Variants in NAALAD2 observed in about 807,000 individuals in gnomAD.
NAALAD2 encodes the protein N-acetylated alpha-linked acidic dipeptidase 2.
Under a neutral mutation model 95.6 loss-of-function variants are expected in NAALAD2, and 89 were observed. That is an observed-to-expected ratio of 0.93 (90% confidence interval 0.78 to 1.11). The LOEUF is 1.11. Among genes scored for constraint, NAALAD2 ranks in the 50% least tolerant of loss-of-function variants. The probability of loss-of-function intolerance (pLI) is 0.00; values close to 1 mark genes in which losing one functional copy is unlikely to be tolerated. For synonymous variants in NAALAD2, 264 were observed against 294.4 expected (o/e 0.90, Z 1.06); for missense variants, 894 against 872.4 (o/e 1.02, Z -0.31).
chr11:90,160,836 A>G (rs7948915), intron 8 of NAALAD2, among the ~76,000 whole-genome samples: 59,939 of 152,010 alleles, frequency 0.39, 11,950 homozygotes, highest in South Asian at 0.5. Flanking sequence ...AGAATTCTCT[A>G]TTGGTTAGAA....
chr11:90,159,236 C>T lies in NAALAD2; in HGVS notation c.891-3C>T, dbSNP rs757545233. The T allele has an allele frequency of 2.5e-6, 4 of 1,607,808 alleles. No homozygotes were observed. In the South Asian group the frequency reaches 3.3e-5, roughly 13 times the overall value. ...TTCTGTCACTTTCATTTTATTTTGT[C>T]AGCTACTTGGGAGGAATTGCTCCAC... On this transcript the variant is annotated splice_polypyrimidine_tract_variant and splice_region_variant and intron_variant, in intron 7 of 18. Transcript: ENST00000534061.
Position 90,178,099 on chromosome 11 carries a change from G to A in NAALAD2, c.1840G>A (p.Asp614Asn), listed in dbSNP as rs773029266. ...LSKKHDQQLT[D>N]HGVSFDSLFS... is the part of the protein sequence containing the mutation. ...TAAGAAACATGATCAACAATTGACA[G>A]ACCATGGAGTATCATTTGGTAAGAA... Residue 614 changes from aspartate to asparagine, a missense_variant, in exon 16 of 19, where the codon GAC becomes AAC. Transcript: ENST00000534061. 7.5e-6 allele frequency: 12 copies of A among 1,610,328 alleles called. No individual in the cohort carries two copies. The Admixed American group carries it at 8.4e-5, about 11-fold the overall frequency.
At chr11:90,153,640 G>A (rs1951947835) in intron 6 of NAALAD2, among the ~76,000 whole-genome samples, 1 of 152,052 alleles carries the variant, frequency 6.6e-6, no homozygotes, top group African/African-American at 2.4e-5. Flanking sequence ...TCAATTTGGG[G>A]AGAATTGGCA....
At position 90,167,059 on chromosome 11, in the gene NAALAD2, C is replaced by T. The variant is rs545089053; in HGVS notation, c.1279-1870C>T. Reference sequence around the variant, plus strand: ...GCTGGCAGCCCTCGCTCGCTCTCGGCGCCTCCTCGGCCTTGGCGCCCACTC... The same window carrying T: ...GCTGGCAGCCCTCGCTCGCTCTCGGTGCCTCCTCGGCCTTGGCGCCCACTC... On this transcript the variant is annotated intron_variant, in intron 11 of 18. Transcript: ENST00000534061. Among the ~76,000 whole-genome samples the T allele has an allele frequency of 1.8e-4, 28 of 152,298 alleles. No individual in the cohort carries two copies. The South Asian group carries it at 4.8e-3, about 26-fold the overall frequency.
chr11:90,168,478 G>T (rs895208581), intron 11 of NAALAD2, among the ~76,000 whole-genome samples: 1 of 152,098 alleles, frequency 6.6e-6, no homozygotes, highest in African/African-American at 2.4e-5. Context: ...CTGCATTCTA[G>T]CCTGGGCAAC....
Position 90,147,413 on chromosome 11 carries a change from T to A in NAALAD2, c.278T>A (p.Phe93Tyr). The change falls in exon 3 of 19, where the codon TTT becomes TAT. Residue 93 changes from phenylalanine to tyrosine, a missense_variant. Phe to Tyr is a conservative substitution (Grantham distance 22, BLOSUM62 3). Transcript: ENST00000534061. ...AAAATCCAAACCCAGTGGAAGAAATTTGGACTAGATTCAGCCAAGTTGGTT... is the reference window on the plus strand; with the variant it reads ...AAAATCCAAACCCAGTGGAAGAAATATGGACTAGATTCAGCCAAGTTGGTT... ...AKKIQTQWKK[F>Y]GLDSAKLVHY... The A allele has an allele frequency of 1.2e-6, 2 of 1,614,034 alleles. No homozygotes were observed. The highest frequency in any genetic ancestry group is 1.7e-6 in the Non-Finnish European group (2 of 1,179,956).
At position 90,149,353 on chromosome 11, in the gene NAALAD2, C is replaced by T. The variant is rs1469799163; in HGVS notation, c.483+246C>T. Among the ~76,000 whole-genome samples, 4 of 152,282 alleles carry T rather than the reference C, an allele frequency of 2.6e-5. No homozygotes were observed. The East Asian group carries it at 5.8e-4, about 22-fold the overall frequency. ...AAAACTGACCCTGCTGAAGCAGTTG[C>T]CACTCTCTGAAATAACAAACTGCTG... On this transcript the variant is annotated intron_variant, in intron 4 of 18. Coordinates refer to ENST00000534061, the MANE Select transcript of NAALAD2 (RefSeq NM_005467.4).
intron 18 of NAALAD2, 101 bp downstream of exon 18, chr11:90,183,109 G>T: frequency 4.0e-6 from 3 of 750,518 alleles, no homozygotes; most frequent in Non-Finnish European, 7.2e-6. Flanking sequence ...AGGCAAATAT[G>T]TACACTCTAG....
intron 11 of NAALAD2, among the ~76,000 whole-genome samples, chr11:90,166,157 C>T (rs1952435816): frequency 6.6e-6 from 1 of 152,172 alleles, no homozygotes; most frequent in Non-Finnish European, 1.5e-5. Flanking sequence ...GTGCCATAAC[C>T]ACACACAGCT....
At chr11:90,189,315 AG>A (rs1336659993) in intron 18 of NAALAD2, among the ~76,000 whole-genome samples, 2 of 152,184 alleles carry the variant, frequency 1.3e-5, no homozygotes, top group Non-Finnish European at 2.9e-5. Flanking sequence ...AATTTTTTTA[AG>A]CCACTAAGTT....
At chr11:90,154,934 C>CATA (rs71472283) in intron 6 of NAALAD2, among the ~76,000 whole-genome samples, 1,133 of 51,768 alleles carry the variant, frequency 0.022, 59 homozygotes, top group African/African-American at 0.047. Context: ...TATACGTATA[C>CATA]ATATGTATAT....
At position 90,176,180 on chromosome 11, in the gene NAALAD2, G is replaced by A. The variant is rs1486070165; in HGVS notation, c.1593+118G>A. 13 of 692,578 alleles carry A rather than the reference G, an allele frequency of 1.9e-5. No individual in the cohort carries two copies. The Admixed American group carries it at 2.6e-4, about 14-fold the overall frequency. 42.9% of individuals were successfully genotyped at this position (692,578 alleles called of 1,614,324 possible). On this transcript the variant is annotated intron_variant, in intron 15 of 18. Transcript: ENST00000534061. ...GGATGTGGCCTGGGAAGAGTTCCCAGGGATAGAGATAGACTGCATGTCCCT... is the reference window on the plus strand; with the variant it reads ...GGATGTGGCCTGGGAAGAGTTCCCAAGGATAGAGATAGACTGCATGTCCCT...
chr11:90,184,666 A>G (rs946992781), intron 18 of NAALAD2, among the ~76,000 whole-genome samples: 6 of 152,120 alleles, frequency 3.9e-5, no homozygotes, highest in African/African-American at 1.4e-4. Flanking sequence ...CATATAAAAT[A>G]AAAAGGAGCA....
chr11:90,172,244 A>G (rs952426138), intron 13 of NAALAD2, among the ~76,000 whole-genome samples: 1 of 152,012 alleles, frequency 6.6e-6, no homozygotes, highest in Non-Finnish European at 1.5e-5. Context: ...CAGCTGCCTC[A>G]TGTTGGTGAG....
chr11:90,188,087 T>A (rs1293110737), intron 18 of NAALAD2, among the ~76,000 whole-genome samples: 1 of 152,168 alleles, frequency 6.6e-6, no homozygotes, highest in Admixed American at 6.5e-5. Flanking sequence ...AGAATTTACC[T>A]TATTTGAACA....
intron 6 of NAALAD2, among the ~76,000 whole-genome samples, chr11:90,154,991 ATATGTATG>A (rs1307771664): frequency 1.2e-5 from 1 of 81,818 alleles, no homozygotes; most frequent in Non-Finnish European, 2.2e-5. Flanking sequence ...CGTATACATA[ATATGTATG>A]TGTGTATATA....
At chr11:90,170,612 G>A (rs1952604731) in intron 13 of NAALAD2, among the ~76,000 whole-genome samples, 1 of 152,130 alleles carries the variant, frequency 6.6e-6, no homozygotes, top group African/African-American at 2.4e-5. Flanking sequence ...TGGTAAATGA[G>A]GAATTAGAAT....
chr11:90,157,047 A>T (rs997328983), intron 6 of NAALAD2, among the ~76,000 whole-genome samples: 1 of 152,146 alleles, frequency 6.6e-6, no homozygotes, highest in South Asian at 2.1e-4. Flanking sequence ...TATGCACTTG[A>T]AAAGAATGTA....
At chr11:90,175,687 T>G (rs533571472) in intron 14 of NAALAD2, among the ~76,000 whole-genome samples, 1 of 152,326 alleles carries the variant, frequency 6.6e-6, no homozygotes, top group Admixed American at 6.5e-5. Context: ...AGATGCAGTC[T>G]TTGGTGGCAC....
Sources: allele counts gnomAD v4.1 joint callset (sites outside exome capture counted in the v4.1 genomes callset), GRCh38; gene constraint gnomAD v4.1.1; transcripts MANE v1.5; gene names NCBI Gene and HGNC (gene_info 2026-07-23, HGNC 2026-07-21).